The following MKKS variants were observed in gnomAD, a reference collection of about 807,000 sequenced individuals.
MKKS encodes the protein MKKS centrosomal shuttling protein.
Under a neutral mutation model 33.2 loss-of-function variants are expected in MKKS, and 29 were observed. The observed-to-expected ratio is 0.87, with a 90% CI of 0.65 to 1.19. The LOEUF (loss-of-function observed/expected upper bound fraction) is 1.19, where lower values mean the gene tolerates loss of function less well. Ranked by LOEUF, MKKS falls within the 50% of genes most tolerant of loss-of-function variation. The pLI is 0.00. For synonymous variants in MKKS, 260 were observed against 244.0 expected (o/e 1.07, Z -0.61); for missense variants, 661 against 662.3 (o/e 1.00, Z 0.02).
rs563847654 is a variant in MKKS, at chr20:10,423,911, T to C, written c.-648-3153A>G. ...TGATGTAGACTGATTTAATGATTAA[T>C]TGCTTTAATGTTTACTGAACATCTA... On this transcript the variant is annotated intron_variant, in intron 1 of 5. Transcript: ENST00000347364. Among the ~76,000 whole-genome samples, 287 of 152,338 alleles carry C rather than the reference T, an allele frequency of 1.9e-3. 2 individuals carry two copies. Among genetic ancestry groups the C allele is most frequent in the African/African-American group, 6.4e-3 (265 of 41,568 alleles).
chr20:10,430,065 G>A (rs1237675314), intron 1 of MKKS, among the ~76,000 whole-genome samples: 1 of 152,136 alleles, frequency 6.6e-6, no homozygotes, highest in Non-Finnish European at 1.5e-5. Context: ...AAACAAATCT[G>A]GTTGTATTCC....
chr20:10,407,136 T>A (rs1286036056), intron 5 of MKKS, among the ~76,000 whole-genome samples: 2 of 152,216 alleles, frequency 1.3e-5, no homozygotes, highest in African/African-American at 4.8e-5. Flanking sequence ...ATCTAATATG[T>A]GAATTGCTTA....
At position 10,409,960 on chromosome 20, in the gene MKKS, AGAGC is replaced by A. The variant is rs542679428; in HGVS notation, c.986-1161_986-1158del. ...GCCACTGCACTCTAGCCTGGGCAACAGAGCGAGACTTTGTCTCAAAAAAAAAAAA... is the reference window on the plus strand; with the variant it reads ...GCCACTGCACTCTAGCCTGGGCAACAGAGACTTTGTCTCAAAAAAAAAAAA... On this transcript the variant is annotated intron_variant, in intron 3 of 5. Transcript: ENST00000347364. 1.1e-3 allele frequency among the ~76,000 whole-genome samples: 153 copies of A among 138,180 alleles called. 5 individuals carry two copies. The South Asian group carries it at 0.031, about 28-fold the overall frequency. 90.7% of individuals were successfully genotyped at this position (138,180 alleles called of 152,430 possible).
rs778846194 is a variant in MKKS, at chr20:10,413,197, A to C, written c.318T>G (p.Val106=). ...AILCCNLIEN[V]QRLGLTPTTV... ...TGGTGGGTGTCAAGCCTAATCTCTGAACATTTTCAATCAGGTTGCAGCAAA... is the reference window on the plus strand; with the variant it reads ...TGGTGGGTGTCAAGCCTAATCTCTGCACATTTTCAATCAGGTTGCAGCAAA... The change falls in exon 3 of 6, where the codon GTT becomes GTG. Residue 106 remains valine, a synonymous_variant. Coordinates refer to ENST00000347364, the MANE Select transcript of MKKS (RefSeq NM_170784.3). 1.2e-6 allele frequency: 2 copies of C among 1,614,226 alleles called. No individual in the cohort carries two copies. Among genetic ancestry groups the C allele is most frequent in the East Asian group, 2.2e-5 (1 of 44,882 alleles).
intron 1 of MKKS, among the ~76,000 whole-genome samples, chr20:10,422,350 C>CT (rs1367936412): frequency 2.6e-5 from 4 of 152,062 alleles, no homozygotes; most frequent in Non-Finnish European, 5.9e-5. Context: ...GAGAATACAC[C>CT]TTTTATTGAC....
At chr20:10,428,182 G>A (rs1185978963) in intron 1 of MKKS, among the ~76,000 whole-genome samples, 1 of 152,204 alleles carries the variant, frequency 6.6e-6, no homozygotes, top group Non-Finnish European at 1.5e-5. Flanking sequence ...TTATCACAAT[G>A]GTTGTAGTGG....
Position 10,405,682 on chromosome 20 carries a change from G to A in MKKS, c.1278C>T (p.His426=), listed in dbSNP as rs145781686. 6.2e-7 allele frequency: 1 copy of A among 1,613,192 alleles called. No homozygotes were observed. Among genetic ancestry groups the A allele is most frequent in the Admixed American group, 1.7e-5 (1 of 59,996 alleles). ...HLAAYIRHKT[H]NDPESILKDD... ...CTTTGAGAATGCTTTCTGGGTCGTT[G>A]TGAGTCTAAAGAGTAATAAAAACAT... Residue 426 remains histidine (H), a synonymous_variant, in exon 6 of 6, where the codon CAC becomes CAT. Coordinates refer to ENST00000347364, the MANE Select transcript of MKKS (RefSeq NM_170784.3).
rs368654512 is a variant in MKKS at position 10,408,813 on chromosome 20, A to C, written c.986-10T>G. ...CCAATAGGCTGTGTTCCTATTTTTT[A>C]AAGATTAGAAAATACAAGTTGTATA... is the stretch of plus-strand genomic sequence containing the variant. On this transcript the variant is annotated splice_polypyrimidine_tract_variant and intron_variant, in intron 3 of 5. Coordinates refer to ENST00000347364, the MANE Select transcript of MKKS (RefSeq NM_170784.3). The C allele has an allele frequency of 6.2e-7, 1 of 1,603,288 alleles. No individual in the cohort carries two copies. Among genetic ancestry groups the C allele is most frequent in the African/African-American group, 1.3e-5 (1 of 74,732 alleles).
Position 10,405,704 on chromosome 20 carries a change from A to G in MKKS, c.1273-17T>C. The G allele has an allele frequency of 1.9e-6, 3 of 1,578,584 alleles. No homozygotes were observed. Among genetic ancestry groups the G allele is most frequent in the Non-Finnish European group, 2.6e-6 (3 of 1,147,796 alleles). ...GTTGTGAGTCTAAAGAGTAATAAAA[A>G]CATTGAAAACACATACAAAGCAATT... On this transcript the variant is annotated splice_polypyrimidine_tract_variant and intron_variant, in intron 5 of 5. Transcript: ENST00000347364.
intron 3 of MKKS, among the ~76,000 whole-genome samples, chr20:10,410,299 T>C (rs893117116): frequency 2.6e-5 from 4 of 152,032 alleles, no homozygotes; most frequent in African/African-American, 7.2e-5. Context: ...GGGATAATAA[T>C]GCATACTTCA....
chr20:10,427,079 C>CACACACAA (rs1304497194), intron 1 of MKKS, among the ~76,000 whole-genome samples: 5 of 137,358 alleles, frequency 3.6e-5, no homozygotes, highest in African/African-American at 1.3e-4. Flanking sequence ...CACACACACA[C>CACACACAA]AAAGTAAGGT....
At chr20:10,424,354 G>A (rs1041081290) in intron 1 of MKKS, among the ~76,000 whole-genome samples, 2 of 152,022 alleles carry the variant, frequency 1.3e-5, no homozygotes, top group South Asian at 2.1e-4. Context: ...CCATGAGTTC[G>A]AGACTGCCTG....
In MKKS at chr20:10,405,206, T is replaced by C; in HGVS notation, c.*41A>G. 2 of 1,497,398 alleles carry C rather than the reference T, an allele frequency of 1.3e-6. No individual in the cohort carries two copies. The highest frequency in any genetic ancestry group is 1.8e-6 in the Non-Finnish European group (2 of 1,095,150). 92.8% of individuals were successfully genotyped at this position (1,497,398 alleles called of 1,614,324 possible). On this transcript the variant is annotated 3_prime_UTR_variant, in exon 6 of 6. Coordinates refer to ENST00000347364, the MANE Select transcript of MKKS (RefSeq NM_170784.3). The stretch of plus-strand genomic sequence containing the variant: ...CAATTTTTCTCAATTGCCAACAGAC[T>C]AGTTTATTTGTTTCTCTTGTAATAC...
At chr20:10,419,706 C>T (rs1290640045) in intron 2 of MKKS, among the ~76,000 whole-genome samples, 1 of 152,210 alleles carries the variant, frequency 6.6e-6, no homozygotes, top group East Asian at 1.9e-4. Context: ...CACAGTTGAT[C>T]TAACCCAGAG....
Position 10,412,517 on chromosome 20 carries a change from G to A in MKKS, c.985+13C>T. ...ATTAACTGTAAGAGGCAAAAGCAAA[G>A]AGTGATTTTTACCTGTCATTTTAGT... On this transcript the variant is annotated intron_variant, in intron 3 of 5. Coordinates refer to ENST00000347364, the MANE Select transcript of MKKS (RefSeq NM_170784.3). 3.1e-6 allele frequency: 5 copies of A among 1,612,362 alleles called. No homozygotes were observed. Among genetic ancestry groups the A allele is most frequent in the Non-Finnish European group, 4.2e-6 (5 of 1,179,610 alleles).
Position 10,405,113 on chromosome 20 carries a change from T to A in MKKS, c.*134A>T. The A allele has an allele frequency of 1.5e-6, 1 of 649,810 alleles. No individual in the cohort carries two copies. The highest frequency in any genetic ancestry group is 2.6e-6 in the Non-Finnish European group (1 of 391,984). The allele number at this position is 649,810 out of a possible 1,614,324, so 40.3% of individuals were successfully genotyped here. On this transcript the variant is annotated 3_prime_UTR_variant, in exon 6 of 6. Transcript: ENST00000347364. ...TCACCTTTTTTCCTAAATAAGTGTA[T>A]CTATAATTTTATGAGTCATTTGTCC...
chr20:10,417,895 C>A (rs989051388), intron 2 of MKKS, among the ~76,000 whole-genome samples: 1 of 151,962 alleles, frequency 6.6e-6, no homozygotes, highest in Admixed American at 6.6e-5. Context: ...AAGCAATCAG[C>A]CAAACTGAGA....
chr20:10,413,141 C>T lies in MKKS; in HGVS notation c.374G>A (p.Ser125Asn). The stretch of plus-strand genomic sequence containing the variant: ...AGACTTGAGATAACTGATGCAAAGA[C>T]TCAAAAGATGTTTATTTAATCTAAT... ...TVIRLNKHLL[S>N]LCISYLKSET... Residue 125 changes from serine to asparagine, a missense_variant, in exon 3 of 6, where the codon AGT becomes AAT. By Grantham distance (46) the Ser-to-Asn change is conservative (BLOSUM62 1). Transcript: ENST00000347364. 1 of 1,614,098 alleles carries T rather than the reference C, an allele frequency of 6.2e-7. No individual in the cohort carries two copies. Among genetic ancestry groups the T allele is most frequent in the Non-Finnish European group, 8.5e-7 (1 of 1,180,042 alleles).
Position 10,407,489 on chromosome 20 carries a change from A to G in MKKS, c.1272+127T>C, listed in dbSNP as rs373535811. ...GTTTACCTGTATAACAAACCTATAC[A>G]TGCACCCCTGAACCTAAAAGTTAAA... On this transcript the variant is annotated intron_variant, in intron 5 of 5. Transcript: ENST00000347364. The G allele has an allele frequency of 9.9e-5, 77 of 776,338 alleles. No individual in the cohort carries two copies. In the African/African-American group the frequency reaches 1.3e-3, roughly 13 times the overall value. The allele number at this position is 776,338 out of a possible 1,614,324, so 48.1% of individuals were successfully genotyped here.
Sources: allele counts gnomAD v4.1 joint callset (sites outside exome capture counted in the v4.1 genomes callset), GRCh38; gene constraint gnomAD v4.1.1; transcripts MANE v1.5; gene names NCBI Gene and HGNC (gene_info 2026-07-23, HGNC 2026-07-21).